The following CRYBG3 variants were observed in gnomAD, a reference collection of about 807,000 sequenced individuals.
The protein encoded by CRYBG3 is crystallin beta-gamma domain containing 3, also known as very large A-kinase anchor protein.
A neutral mutation model predicts 244.2 loss-of-function variants in CRYBG3; 127 were observed. The ratio of observed to expected loss-of-function variants is 0.52; its 90% confidence interval spans 0.45 to 0.60. The LOEUF is 0.60. Ranked by LOEUF, CRYBG3 falls within the 20% of genes least tolerant of loss-of-function variation. The pLI is 0.00. For synonymous variants in CRYBG3, 1,132 were observed against 1,195.8 expected (o/e 0.95, Z 1.10); for missense variants, 3,325 against 3,442.5 (o/e 0.97, Z 0.85).
intron 1 of CRYBG3, among the ~76,000 whole-genome samples, chr3:97,841,301 T>C (rs1257554271): frequency 4.7e-5 from 7 of 148,952 alleles, no homozygotes; most frequent in African/African-American, 1.8e-4. Flanking sequence ...CACCTATATG[T>C]ATATATATGT....
Position 97,822,011 on chromosome 3 carries a change from G to C in CRYBG3, c.-196G>C. The C allele has an allele frequency of 2.5e-6, 1 of 408,112 alleles. No individual in the cohort carries two copies. Among genetic ancestry groups the C allele is most frequent in the East Asian group, 3.7e-5 (1 of 27,328 alleles). The allele number at this position is 408,112 out of a possible 1,614,324, so 25.3% of individuals were successfully genotyped here. A position where few individuals can be genotyped will look rare whatever the true frequency, so the allele number is the denominator to read the frequency against. ...GGGCGGGAGGAGGAGCAGCCGCAGC[G>C]GCGTGAGGAGCTGCCGCGCGAGGAG... On this transcript the variant is annotated 5_prime_UTR_variant, in exon 1 of 22. Coordinates refer to ENST00000389622, the MANE Select transcript of CRYBG3 (RefSeq NM_153605.4).
rs1244838045 is a variant in CRYBG3 at position 97,873,973 on chromosome 3, G to C, written c.2779G>C (p.Asp927His). 1 of 1,534,734 alleles carries C rather than the reference G, an allele frequency of 6.5e-7. No homozygotes were observed. Among genetic ancestry groups the C allele is most frequent in the Non-Finnish European group, 8.7e-7 (1 of 1,146,542 alleles). Residue 927 changes from aspartate to histidine, a missense_variant, in exon 4 of 22, where the codon GAT becomes CAT. Asp to His is a moderately conservative substitution (Grantham distance 81). This residue lies in a region of CRYBG3 where 1,526 missense variants were observed against 1,443.2 expected (regional missense o/e 1.06). Transcript: ENST00000389622. ...TGAAGATAAGCCAGAACCAGAGGTA[G>C]ATGCCTTAGGCTCTCCTCCTGCTCT... The part of the protein sequence containing the change: ...KYEDKPEPEV[D>H]ALGSPPALLK...
rs1329482061 is a variant in CRYBG3, at chr3:97,875,240, T to C, written c.4046T>C (p.Val1349Ala). The change falls in exon 4 of 22, where the codon GTT becomes GCT. Residue 1349 changes from valine (V) to alanine (A), a missense_variant. Around this residue, in one of 4 missense-constraint regions of CRYBG3, gnomAD observed 635 missense variants for 771.7 expected, o/e 0.82. Coordinates refer to ENST00000389622, the MANE Select transcript of CRYBG3 (RefSeq NM_153605.4). The part of the protein sequence containing the change: ...NTSKILNSDS[V>A]KPHDVVREFL... ...TCAAAAATTCTGAACAGTGATAGTGTTAAGCCACATGATGTAGTTAGAGAG... is the reference window on the plus strand; with the variant it reads ...TCAAAAATTCTGAACAGTGATAGTGCTAAGCCACATGATGTAGTTAGAGAG... The C allele has an allele frequency of 2.0e-6, 3 of 1,519,808 alleles. No individual in the cohort carries two copies. Among genetic ancestry groups the C allele is most frequent in the Non-Finnish European group, 2.6e-6 (3 of 1,141,110 alleles). The allele number at this position is 1,519,808 out of a possible 1,614,324, so 94.1% of individuals were successfully genotyped here.
intron 7 of CRYBG3, among the ~76,000 whole-genome samples, chr3:97,885,213 A>G (rs550198044): frequency 8.0e-4 from 122 of 152,280 alleles, no homozygotes; most frequent in Middle Eastern, 3.4e-3. Context: ...TTTGCATTTT[A>G]GAACCAATTT....
In CRYBG3 at chr3:97,874,622, C is replaced by G. The variant is rs2108216609; in HGVS notation, c.3428C>G (p.Ala1143Gly). The G allele has an allele frequency of 1.3e-6, 2 of 1,536,060 alleles. No individual in the cohort carries two copies. Among genetic ancestry groups the G allele is most frequent in the East Asian group, 2.4e-5 (1 of 40,912 alleles). The change falls in exon 4 of 22, where the codon GCT becomes GGT. Residue 1143 changes from alanine (A) to glycine (G), a missense_variant. Coordinates refer to ENST00000389622, the MANE Select transcript of CRYBG3 (RefSeq NM_153605.4). ...TGKISIDFPT[A>G]AQFDNLVEAE... Reference sequence around the variant, plus strand: ...AAGATATCCATTGATTTCCCAACTGCTGCCCAATTTGACAATCTCGTGGAA... The same window carrying G: ...AAGATATCCATTGATTTCCCAACTGGTGCCCAATTTGACAATCTCGTGGAA...
rs768366225 is a variant in CRYBG3, at chr3:97,888,298, A to T, written c.7290-43A>T. 6 of 1,195,780 alleles carry T rather than the reference A, an allele frequency of 5.0e-6. No homozygotes were observed. In the South Asian group the frequency reaches 7.9e-5, roughly 16 times the overall value. 74.1% of individuals were successfully genotyped at this position (1,195,780 alleles called of 1,614,324 possible). A position where few individuals can be genotyped will look rare whatever the true frequency, so the allele number is the denominator to read the frequency against. On this transcript the variant is annotated intron_variant, in intron 8 of 21. Transcript: ENST00000389622. ...CTTTTTACTTACAGAACCAGACTAA[A>T]GCAGTACTATTATACTTTAACTAAC...
intron 2 of CRYBG3, among the ~76,000 whole-genome samples, chr3:97,853,376 A>G (rs1576522060): frequency 6.7e-6 from 1 of 148,660 alleles, no homozygotes; most frequent in East Asian, 2.0e-4. Flanking sequence ...TCCACAGTAT[A>G]TGTACACACA....
At chr3:97,856,656 TC>T (rs1434358887) in intron 2 of CRYBG3, among the ~76,000 whole-genome samples, 1 of 152,198 alleles carries the variant, frequency 6.6e-6, no homozygotes, top group Non-Finnish European at 1.5e-5. Context: ...TCCCACAACA[TC>T]CAGGAATGTA....
rs749152392 is a variant in CRYBG3, at chr3:97,872,264, A to C, written c.1070A>C (p.Asp357Ala). ...TCTTCTGTGACTAACTCCAGCTACG[A>C]TGGAGAATCTGACTCACAGCACCAT... ...SPSSVTNSSYDGESDSQHHLS... is the reference protein window; with the variant it reads ...SPSSVTNSSYAGESDSQHHLS... The change falls in exon 4 of 22, where the codon GAT (aspartate) becomes GCT (alanine). Residue 357 changes from aspartate (D) to alanine (A), a missense_variant. Asp to Ala is a moderately radical substitution (Grantham distance 126). This residue lies in a region of CRYBG3 where 1,526 missense variants were observed against 1,443.2 expected (regional missense o/e 1.06). Coordinates refer to ENST00000389622, the MANE Select transcript of CRYBG3 (RefSeq NM_153605.4). The C allele has an allele frequency of 5.9e-6, 9 of 1,535,558 alleles. No individual in the cohort carries two copies. Among genetic ancestry groups the C allele is most frequent in the Non-Finnish European group, 7.0e-6 (8 of 1,146,424 alleles).
At chr3:97,880,296 CTG>C (rs1188167788) in intron 6 of CRYBG3, among the ~76,000 whole-genome samples, 196 bp downstream of exon 6, 8 of 152,208 alleles carry the variant, frequency 5.3e-5, no homozygotes, top group Admixed American at 3.3e-4. Flanking sequence ...AAAATACAAT[CTG>C]TTTTTAGTGC....
chr3:97,925,870 C>T (rs2040035713), intron 17 of CRYBG3, among the ~76,000 whole-genome samples: 1 of 151,740 alleles, frequency 6.6e-6, no homozygotes, highest in Non-Finnish European at 1.5e-5. Flanking sequence ...AAGGAGAAAA[C>T]AAAGATCAGT....
chr3:97,898,849 A>G (rs758989547), intron 12 of CRYBG3, 34 bp from the exon 13 acceptor site: 8 of 1,479,028 alleles, frequency 5.4e-6, no homozygotes, highest in African/African-American at 1.4e-5. Context: ...CAGAATATGT[A>G]TGTTTTCCTA....
At chr3:97,918,593 G>A (rs1373363968) in intron 17 of CRYBG3, among the ~76,000 whole-genome samples, 7 of 152,226 alleles carry the variant, frequency 4.6e-5, no homozygotes, top group African/African-American at 1.7e-4. Context: ...GGATTCACAA[G>A]GTCAGAAGGA....
intron 15 of CRYBG3, among the ~76,000 whole-genome samples, chr3:97,907,685 T>G (rs1275024344): frequency 6.6e-6 from 1 of 151,478 alleles, no homozygotes; most frequent in African/African-American, 2.4e-5. Context: ...TGTTGATCCT[T>G]TCAAAAAACC....
At position 97,864,663 on chromosome 3, in the gene CRYBG3, C is replaced by A; in HGVS notation, c.647+16C>A. On this transcript the variant is annotated intron_variant, in intron 3 of 21. Transcript: ENST00000389622. ...ATTTGCTAAAGTAAGTTTAAAATTT[C>A]ATTGAACCAAAAAAAATTGAGCTTT... is the stretch of plus-strand genomic sequence containing the variant. The A allele has an allele frequency of 6.7e-7, 1 of 1,489,432 alleles. No homozygotes were observed. The highest frequency in any genetic ancestry group is 8.9e-7 in the Non-Finnish European group (1 of 1,126,628). The allele number at this position is 1,489,432 out of a possible 1,614,324, so 92.3% of individuals were successfully genotyped here.
chr3:97,848,241 T>C (rs539230632), intron 2 of CRYBG3, among the ~76,000 whole-genome samples: 57 of 152,190 alleles, frequency 3.7e-4, no homozygotes, highest in Non-Finnish European at 7.2e-4. Context: ...GGAAATTAAT[T>C]ACTGAACCAA....
intron 1 of CRYBG3, among the ~76,000 whole-genome samples, chr3:97,835,405 C>T (rs886672902): frequency 3.3e-5 from 5 of 151,872 alleles, no homozygotes; most frequent in East Asian, 1.9e-4. Flanking sequence ...AGATGATATC[C>T]GGGAGTTGGG....
intron 17 of CRYBG3, among the ~76,000 whole-genome samples, chr3:97,918,807 A>G (rs1391300015): frequency 6.6e-6 from 1 of 152,172 alleles, no homozygotes; most frequent in Non-Finnish European, 1.5e-5. Flanking sequence ...AATTGGGGAC[A>G]TGACTATTTT....
At chr3:97,849,260 CTT>C (rs2038949510) in intron 2 of CRYBG3, among the ~76,000 whole-genome samples, 1 of 152,142 alleles carries the variant, frequency 6.6e-6, no homozygotes, top group Admixed American at 6.5e-5. Flanking sequence ...CTGGCTAAAA[CTT>C]AGAAATACTG....
Sources: gnomAD v4.1 joint callset for allele counts (sites outside exome capture counted in the v4.1 genomes callset) on GRCh38, gnomAD v4.1.1 for gene constraint, gnomAD v4.1.1 regional missense constraint, MANE v1.5 for transcripts, NCBI Gene and HGNC (gene_info 2026-07-23, HGNC 2026-07-21) for gene names.